The following ARHGEF1 variants were observed in gnomAD, a reference collection of about 807,000 sequenced individuals.
ARHGEF1 encodes 115 kDa guanine nucleotide exchange factor.
ARHGEF1 carries 40 observed loss-of-function variants against 119.7 expected under a neutral mutation model. That is an observed-to-expected ratio of 0.33 (90% CI 0.26 to 0.44). ARHGEF1 has a LOEUF of 0.44. ARHGEF1 is among the 20% of genes least tolerant of loss of function. The pLI, the probability that ARHGEF1 is intolerant of heterozygous loss-of-function variation, is 1.00. For missense variants in ARHGEF1, 976 were observed against 1,268.3 expected, an observed-to-expected ratio of 0.77 and a Z score of 3.50; for synonymous variants, 494 against 521.0, an observed-to-expected ratio of 0.95 and a Z score of 0.71.
chr19:41,914,999 C>CCCTCCCTTTCCACCGTCT (rs1555851809), intron 18 of ARHGEF1, among the ~76,000 whole-genome samples: 1 of 109,916 alleles, frequency 9.1e-6, no homozygotes. Flanking sequence ...CTCTGTCTCT[C>CCCTCCCTTTCCACCGTCT]CTGTCTCTGC....
downstream of ARHGEF1, among the ~76,000 whole-genome samples, chr19:41,912,267 G>A (rs374667657): frequency 3.9e-5 from 6 of 152,176 alleles, no homozygotes; most frequent in Non-Finnish European, 8.8e-5. Context: ...GGGACACACT[G>A]AAATGAGACC....
At position 41,883,219 on chromosome 19, in the gene ARHGEF1, C is replaced by A; in HGVS notation, c.-90C>A. ...CCCGCCAGAGCCAGGAAGCGGGAGC[C>A]GGGACCCAGGGCCCGGGATCGCCGA... On this transcript the variant is annotated 5_prime_UTR_variant, in exon 1 of 29. Transcript: ENST00000354532. The surrounding 1 kb of genome is among the most constrained non-coding windows in gnomAD (Gnocchi z 7.6). 1 of 192,380 alleles carries A rather than the reference C, an allele frequency of 5.2e-6. No individual in the cohort carries two copies. The highest frequency in any genetic ancestry group is 5.0e-5 in the South Asian group (1 of 19,854). The allele number at this position is 192,380 out of a possible 1,614,324, so 11.9% of individuals were successfully genotyped here.
chr19:41,896,480 G>C lies in ARHGEF1; in HGVS notation c.1119G>C (p.Glu373Asp). ...PESTDEGAETESPEPGDEGEP... is the reference protein window; with the variant it reads ...PESTDEGAETDSPEPGDEGEP... ...GTACCGACGAGGGGGCCGAAACCGA[G>C]AGGTGCCCAGGCTGGGGTGCAGGGG... The change falls in exon 13 of 29, where the codon GAG becomes GAC. Residue 373 changes from glutamate (E) to aspartate (D), a missense_variant and splice_region_variant. Glu to Asp is a conservative substitution (Grantham distance 45). Around this residue, in one of 3 missense-constraint regions of ARHGEF1, gnomAD observed 519 missense variants for 580.9 expected, o/e 0.89. Coordinates refer to ENST00000354532, the MANE Select transcript of ARHGEF1 (RefSeq NM_004706.4). The C allele has an allele frequency of 6.7e-7, 1 of 1,488,360 alleles. No individual in the cohort carries two copies. 92.2% of individuals were successfully genotyped at this position (1,488,360 alleles called of 1,614,324 possible).
rs2074643068 is a variant in ARHGEF1, at chr19:41,903,756, G to A, written c.1889G>A (p.Ser630Asn). The A allele has an allele frequency of 1.2e-6, 2 of 1,613,194 alleles. No homozygotes were observed. Residue 630 changes from serine (S) to asparagine (N), a missense_variant, in exon 20 of 29, where the codon AGC becomes AAC. Coordinates refer to ENST00000354532, the MANE Select transcript of ARHGEF1 (RefSeq NM_004706.4). This position sits in a 1 kb window ranked among gnomAD's most constrained non-coding sequence, Gnocchi z 4.2. ...RRLDLSHLRQ[S>N]SDPMLSEFKN... ...CTGGACTTGTCCCACCTTCGGCAGA[G>A]CAGCGACCCTATGCTGAGCGAGTTC... is the stretch of plus-strand genomic sequence containing the variant.
intron 1 of ARHGEF1, among the ~76,000 whole-genome samples, chr19:41,923,597 T>A (rs2074853717): frequency 8.0e-6 from 1 of 125,740 alleles, no homozygotes; most frequent in African/African-American, 3.1e-5. Context: ...AAGGTGGAAA[T>A]GGAGAAAGGA....
Position 41,903,886 on chromosome 19 carries a change from A to G in ARHGEF1, c.1917+102A>G. The G allele has an allele frequency of 1.4e-6, 2 of 1,387,666 alleles. No individual in the cohort carries two copies. The highest frequency in any genetic ancestry group is 2.0e-6 in the Non-Finnish European group (2 of 988,770). 86.0% of individuals were successfully genotyped at this position (1,387,666 alleles called of 1,614,324 possible). ...GTCCTGCCCATCCCATAATACACCC[A>G]GGAAGCGAGAGCTCTGTCCCCCACC... On this transcript the variant is annotated intron_variant, in intron 20 of 28. Transcript: ENST00000354532. The surrounding 1 kb of genome is among the most constrained non-coding windows in gnomAD (Gnocchi z 4.2).
At chr19:41,912,948 G>C in intron 18 of ARHGEF1, 2 of 1,145,046 alleles carry the variant, frequency 1.7e-6, no homozygotes, top group Middle Eastern at 3.3e-4. Flanking sequence ...GAGGCCGGGA[G>C]GGACACACGG....
chr19:41,895,435 C>T lies in ARHGEF1; in HGVS notation c.964C>T (p.Pro322Ser). 1.9e-6 allele frequency: 3 copies of T among 1,612,578 alleles called. No homozygotes were observed. Among genetic ancestry groups the T allele is most frequent in the East Asian group, 2.2e-5 (1 of 44,866 alleles). The change falls in exon 12 of 29, where the codon CCT (proline) becomes TCT (serine). Residue 322 changes from proline (P) to serine (S), a missense_variant. Pro to Ser is a moderately conservative substitution (Grantham distance 74). Transcript: ENST00000354532. ...RNIGAPGQDTPGVSLHPLSLD... is the reference protein window; with the variant it reads ...RNIGAPGQDTSGVSLHPLSLD... ...TATCGGGGCTCCTGGGCAGGACACC[C>T]CTGGAGTCTCTCTGCACCCTCTGTC...
At chr19:41,920,093 C>A (rs1313125874), upstream of ARHGEF1, among the ~76,000 whole-genome samples, 14 of 129,156 alleles carry the variant, frequency 1.1e-4, no homozygotes, top group Non-Finnish European at 6.4e-5. Context: ...ATGACACGCT[C>A]ACAGACATAC....
chr19:41,913,116 C>T (rs1050025768), intron 18 of ARHGEF1, among the ~76,000 whole-genome samples: 27 of 152,050 alleles, frequency 1.8e-4, no homozygotes, highest in Admixed American at 1.4e-3. Context: ...CAGCCGTTCC[C>T]GGCCCCGAGA....
At chr19:41,896,849 CT>C in intron 13 of ARHGEF1, 2 of 334,826 alleles carry the variant, frequency 6.0e-6, no homozygotes, top group Non-Finnish European at 1.2e-5. Flanking sequence ...CACCTCCCCC[CT>C]CCTCTCTCAC....
At chr19:41,896,513 T>G (rs1599646671) in intron 13 of ARHGEF1, 31 bp downstream of exon 13, 5 of 1,471,744 alleles carry the variant, frequency 3.4e-6, no homozygotes, top group Non-Finnish European at 2.7e-6. Flanking sequence ...GGGCGGGAGG[T>G]GTGGCTTACT....
intron 1 of ARHGEF1, among the ~76,000 whole-genome samples, chr19:41,926,046 G>A (rs563983777): frequency 5.3e-5 from 8 of 152,164 alleles, no homozygotes; most frequent in South Asian, 2.1e-4. Context: ...GAAGAAATAC[G>A]AATGTGTGAG....
chr19:41,902,963 T>G lies in ARHGEF1; in HGVS notation c.1738+65T>G. 7.6e-7 allele frequency: 1 copy of G among 1,321,266 alleles called. No homozygotes were observed. The highest frequency in any genetic ancestry group is 1.5e-5 in the South Asian group (1 of 68,754). 81.8% of individuals were successfully genotyped at this position (1,321,266 alleles called of 1,614,324 possible). A position where few individuals can be genotyped will look rare whatever the true frequency, so the allele number is the denominator to read the frequency against. Reference sequence around the variant, plus strand: ...TTTTTTTTTACATTTTTTTTCTCACTCATTTTCATCAGTGATACCATCACA... The same window carrying G: ...TTTTTTTTTACATTTTTTTTCTCACGCATTTTCATCAGTGATACCATCACA... On this transcript the variant is annotated intron_variant, in intron 18 of 28. Coordinates refer to ENST00000354532, the MANE Select transcript of ARHGEF1 (RefSeq NM_004706.4). This position sits in a 1 kb window ranked among gnomAD's most constrained non-coding sequence, Gnocchi z 6.5.
In ARHGEF1 at chr19:41,907,216, C is replaced by A; in HGVS notation, c.*129C>A. The A allele has an allele frequency of 6.6e-7, 1 of 1,518,426 alleles. No homozygotes were observed. The highest frequency in any genetic ancestry group is 1.2e-5 in the South Asian group (1 of 81,558). The allele number at this position is 1,518,426 out of a possible 1,614,324, so 94.1% of individuals were successfully genotyped here. On this transcript the variant is annotated 3_prime_UTR_variant, in exon 29 of 29. Coordinates refer to ENST00000354532, the MANE Select transcript of ARHGEF1 (RefSeq NM_004706.4). ...GGGCCTGAGGAGAGGGAGCTGTGGGCCACGCCTGGGAGGGGCCCAGCTGGG... is the reference window on the plus strand; with the variant it reads ...GGGCCTGAGGAGAGGGAGCTGTGGGACACGCCTGGGAGGGGCCCAGCTGGG...
At chr19:41,887,758 C>T (rs958904612) in intron 1 of ARHGEF1, among the ~76,000 whole-genome samples, 2 of 152,118 alleles carry the variant, frequency 1.3e-5, no homozygotes, top group South Asian at 2.1e-4. Context: ...AGTCCAGGCC[C>T]CCAGCCCCCT....
intron 18 of ARHGEF1, chr19:41,912,855 G>A (rs996226067): frequency 5.1e-5 from 62 of 1,223,128 alleles, no homozygotes; most frequent in Non-Finnish European, 5.9e-5. Flanking sequence ...CCAGTTACCG[G>A]GGGTCCAGAG....
Position 41,905,859 on chromosome 19 carries a change from A to T in ARHGEF1, c.2404+32A>T, listed in dbSNP as rs1555850071. Reference sequence around the variant, plus strand: ...CCAGAGGGATGCTGGGTGAGGGGCCAGGTTGGGGCTGCCGGGTGAAGAGAG... The same window carrying T: ...CCAGAGGGATGCTGGGTGAGGGGCCTGGTTGGGGCTGCCGGGTGAAGAGAG... On this transcript the variant is annotated intron_variant, in intron 25 of 28. Coordinates refer to ENST00000354532, the MANE Select transcript of ARHGEF1 (RefSeq NM_004706.4). This position sits in a 1 kb window ranked among gnomAD's most constrained non-coding sequence, Gnocchi z 6.4. The T allele has an allele frequency of 6.2e-7, 1 of 1,613,974 alleles. No individual in the cohort carries two copies.
At position 41,892,687 on chromosome 19, in the gene ARHGEF1, G is replaced by A. The variant is rs576022348; in HGVS notation, c.452G>A (p.Gly151Asp). The change falls in exon 7 of 29, where the codon GGC becomes GAC. Residue 151 changes from glycine (G) to aspartate (D), a missense_variant. Gly to Asp is a moderately conservative substitution (Grantham distance 94). Transcript: ENST00000354532. This position sits in a 1 kb window ranked among gnomAD's most constrained non-coding sequence, Gnocchi z 6.3. ...EVVQSQQVAVGRQLEDFRSKR... is the reference protein window; with the variant it reads ...EVVQSQQVAVDRQLEDFRSKR... The stretch of plus-strand genomic sequence containing the variant: ...GTGCAAAGCCAGCAGGTAGCCGTGG[G>A]CCGGCAGCTGGAGGACTTCCGTTCC... The A allele has an allele frequency of 1.9e-6, 3 of 1,613,734 alleles. No homozygotes were observed. The highest frequency in any genetic ancestry group is 2.2e-5 in the East Asian group (1 of 44,878).
Sources: allele counts gnomAD v4.1 joint callset (sites outside exome capture counted in the v4.1 genomes callset), GRCh38; gene constraint gnomAD v4.1.1; regional missense constraint gnomAD v4.1.1; non-coding constraint Gnocchi (gnomAD v3.1); transcripts MANE v1.5; gene names NCBI Gene and HGNC (gene_info 2026-07-23, HGNC 2026-07-21).